GPBP1: variants seen among roughly 807,000 people sequenced by gnomAD.
The protein encoded by GPBP1 is GC-rich promoter binding protein 1, also known as vasculin.
In GPBP1, 13 loss-of-function variants were observed where a neutral mutation model predicts 56.5. The observed-to-expected ratio is 0.23, with a 90% CI of 0.15 to 0.37. GPBP1 has a LOEUF of 0.37. Ranked by LOEUF, GPBP1 falls within the 10% of genes least tolerant of loss-of-function variation. The pLI is 1.00. For synonymous variants in GPBP1, 204 were observed against 188.9 expected (o/e 1.08, Z -0.66); for missense variants, 477 against 572.3 (o/e 0.83, Z 1.70).
intron 3 of GPBP1, among the ~76,000 whole-genome samples, chr5:57,225,186 C>T (rs12153331): frequency 0.18 from 28,040 of 151,976 alleles, 3,398 homozygotes; most frequent in Non-Finnish European, 0.27. Flanking sequence ...TCGCCGGGCA[C>T]GGTAGCTCAT....
intron 9 of GPBP1, 110 bp downstream of exon 9, chr5:57,249,686 T>C (rs1741267774): frequency 4.5e-6 from 4 of 890,184 alleles, no homozygotes; most frequent in South Asian, 4.5e-5. Flanking sequence ...GAAAGAAACT[T>C]GGAAAGCCAT....
At chr5:57,206,481 C>T (rs1163301895) in intron 2 of GPBP1, among the ~76,000 whole-genome samples, 1 of 152,174 alleles carries the variant, frequency 6.6e-6, no homozygotes, top group Non-Finnish European at 1.5e-5. Flanking sequence ...TCACTGCCAC[C>T]TCTGCCTCCT....
At chr5:57,238,098 T>C (rs1740624147) in intron 6 of GPBP1, among the ~76,000 whole-genome samples, 1 of 152,148 alleles carries the variant, frequency 6.6e-6, no homozygotes, top group Non-Finnish European at 1.5e-5. Context: ...TACATAAAAT[T>C]AATGGTTATT....
chr5:57,189,978 CTTA>C (rs568926997), intron 2 of GPBP1, among the ~76,000 whole-genome samples: 1 of 152,114 alleles, frequency 6.6e-6, no homozygotes, highest in Non-Finnish European at 1.5e-5. Context: ...TTTGATTTCT[CTTA>C]TTATTCTATA....
intron 2 of GPBP1, among the ~76,000 whole-genome samples, chr5:57,192,927 A>G (rs933658807): frequency 1.1e-4 from 16 of 152,104 alleles, no homozygotes; most frequent in Non-Finnish European, 1.5e-4. Flanking sequence ...TTTAAAATGG[A>G]CTTCACGTTT....
intron 3 of GPBP1, among the ~76,000 whole-genome samples, chr5:57,226,712 T>G (rs1756208668): frequency 6.9e-6 from 1 of 145,678 alleles, no homozygotes. Context: ...CCACCAAGCC[T>G]GGCTAATTTT....
chr5:57,253,822 G>C (rs756643833), intron 10 of GPBP1, among the ~76,000 whole-genome samples: 2 of 152,178 alleles, frequency 1.3e-5, no homozygotes, highest in Non-Finnish European at 2.9e-5. Context: ...CTGTGTCACT[G>C]TGTTTCCCAG....
chr5:57,174,822 T>G (rs1370292560), intron 1 of GPBP1, among the ~76,000 whole-genome samples: 2 of 152,184 alleles, frequency 1.3e-5, no homozygotes, highest in Admixed American at 6.5e-5. Flanking sequence ...GAGAAACCTG[T>G]TTTCTTAATT....
Position 57,175,303 on chromosome 5 carries a change from C to G in GPBP1, c.-1010-145C>G, listed in dbSNP as rs1420545281. On this transcript the variant is annotated intron_variant, in intron 1 of 11. Transcript: ENST00000506184. ...TCAGTAGACTTTTATCGGGTGCTTGCTTGGGTAAAGAAGCCCTTTTCCAGG... is the reference window on the plus strand; with the variant it reads ...TCAGTAGACTTTTATCGGGTGCTTGGTTGGGTAAAGAAGCCCTTTTCCAGG... The G allele has an allele frequency of 3.4e-5, 13 of 380,526 alleles. No homozygotes were observed. In the East Asian group the frequency reaches 3.7e-4, roughly 11 times the overall value. 23.6% of individuals were successfully genotyped at this position (380,526 alleles called of 1,614,324 possible). A position where few individuals can be genotyped will look rare whatever the true frequency, so the allele number is the denominator to read the frequency against.
intron 2 of GPBP1, among the ~76,000 whole-genome samples, chr5:57,179,789 G>T (rs1469453588): frequency 6.6e-6 from 1 of 152,074 alleles, no homozygotes; most frequent in African/African-American, 2.4e-5. Context: ...TAGAAGACGG[G>T]ATTTCACCAC....
At chr5:57,207,755 C>T (rs1455693886) in intron 2 of GPBP1, among the ~76,000 whole-genome samples, 3 of 152,040 alleles carry the variant, frequency 2.0e-5, no homozygotes, top group Admixed American at 6.6e-5. Context: ...GGTGTTTTCC[C>T]CTGGAGTCCT....
intron 5 of GPBP1, among the ~76,000 whole-genome samples, chr5:57,231,933 A>G (rs1756477580): frequency 6.6e-6 from 1 of 151,766 alleles, no homozygotes; most frequent in Non-Finnish European, 1.5e-5. Context: ...TTTTGTTAAG[A>G]CTGAAAGGAA....
At chr5:57,199,554 C>T (rs1026824954) in intron 2 of GPBP1, among the ~76,000 whole-genome samples, 16 of 151,522 alleles carry the variant, frequency 1.1e-4, no homozygotes, top group African/African-American at 3.6e-4. Context: ...ATATATATAT[C>T]TTTATTATAC....
intron 2 of GPBP1, among the ~76,000 whole-genome samples, chr5:57,191,776 G>A (rs919199657): frequency 6.6e-6 from 1 of 151,974 alleles, no homozygotes; most frequent in African/African-American, 2.4e-5. Flanking sequence ...TGGCCAGGAT[G>A]GTCTCAATCT....
chr5:57,219,385 A>AC lies in GPBP1; in HGVS notation c.63+5192_63+5193insC, dbSNP rs1561348147. 4.2e-4 allele frequency among the ~76,000 whole-genome samples: 25 copies of AC among 59,194 alleles called. 2 individuals carry two copies. Among genetic ancestry groups the AC allele is most frequent in the African/African-American group, 2.0e-3 (17 of 8,298 alleles). The allele number at this position is 59,194 out of a possible 152,430, so 38.8% of individuals were successfully genotyped here. ...AGCGAGACTCTGTCTCAAAAAAAAA[A>AC]AAAAAAAAAAAAAAAAAACCAAAAA... On this transcript the variant is annotated intron_variant, in intron 3 of 11. Coordinates refer to ENST00000506184, the MANE Select transcript of GPBP1 (RefSeq NM_022913.4).
chr5:57,184,058 C>G (rs1754180703), intron 2 of GPBP1, among the ~76,000 whole-genome samples: 2 of 151,994 alleles, frequency 1.3e-5, no homozygotes, highest in African/African-American at 4.8e-5. Flanking sequence ...ATGGTGAAAC[C>G]CTGTCTTTAC....
At chr5:57,226,168 G>A (rs1756178454) in intron 3 of GPBP1, among the ~76,000 whole-genome samples, 1 of 152,192 alleles carries the variant, frequency 6.6e-6, no homozygotes, top group African/African-American at 2.4e-5. Flanking sequence ...TGGCCCATTT[G>A]TTGCCCTTGT....
At chr5:57,188,092 A>G (rs776298428) in intron 2 of GPBP1, among the ~76,000 whole-genome samples, 4 of 151,934 alleles carry the variant, frequency 2.6e-5, no homozygotes, top group Admixed American at 6.6e-5. Flanking sequence ...AAAAATACAA[A>G]AATTAACTGG....
intron 3 of GPBP1, among the ~76,000 whole-genome samples, chr5:57,216,322 G>T (rs923316336): frequency 6.6e-6 from 1 of 152,198 alleles, no homozygotes; most frequent in African/African-American, 2.4e-5. Flanking sequence ...GATTACAGCT[G>T]CCCAGATTGG....
Sources: allele counts gnomAD v4.1 joint callset (sites outside exome capture counted in the v4.1 genomes callset), GRCh38; gene constraint gnomAD v4.1.1; transcripts MANE v1.5; gene names NCBI Gene and HGNC (gene_info 2026-07-23, HGNC 2026-07-21).